Variants in CACNA1B observed in about 807,000 individuals in gnomAD.
The protein encoded by CACNA1B is calcium voltage-gated channel subunit alpha1 B, also known as voltage-dependent N-type calcium channel subunit alpha-1B.
Under a neutral mutation model 247.2 loss-of-function variants are expected in CACNA1B, and 70 were observed. That is an observed-to-expected ratio of 0.28 (90% CI 0.23 to 0.35). The LOEUF is 0.35. CACNA1B is among the 10% of genes least tolerant of loss of function. The pLI, the probability that CACNA1B is intolerant of heterozygous loss-of-function variation, is 1.00. For missense variants in CACNA1B, 2,367 were observed against 3,197.4 expected, an observed-to-expected ratio of 0.74 and a Z score of 6.26; for synonymous variants, 1,231 against 1,294.4, an observed-to-expected ratio of 0.95 and a Z score of 1.05.
In CACNA1B at chr9:138,112,437, A is replaced by G. The variant is rs200220577; in HGVS notation, c.5468A>G (p.Lys1823Arg). 18 of 1,613,438 alleles carry G rather than the reference A, an allele frequency of 1.1e-5. No homozygotes were observed. The highest frequency in any genetic ancestry group is 1.4e-5 in the Non-Finnish European group (17 of 1,179,364). The change falls in exon 40 of 47, where the codon AAG becomes AGG. Residue 1823 changes from lysine (K) to arginine (R), a missense_variant. Physicochemically the swap from Lys to Arg is conservative, Grantham distance 26. Coordinates refer to ENST00000371372, the MANE Select transcript of CACNA1B (RefSeq NM_000718.4). Reference protein sequence around the residue: ...KQHQCDAELRKEISVVWANLP... With the variant: ...KQHQCDAELRREISVVWANLP... ...CATCAGTGTGACGCGGAGTTGAGGA[A>G]GGAGATTTCCGTTGTGTGGGCCAAT...
chr9:138,078,314 AGG>A, intron 36 of CACNA1B, 56 bp downstream of exon 36: 2 of 1,557,628 alleles, frequency 1.3e-6, no homozygotes, highest in Non-Finnish European at 1.8e-6. Flanking sequence ...GGTACAGCTC[AGG>A]CTTCTCCCAC....
chr9:138,073,615 C>CG lies in CACNA1B; in HGVS notation c.4791+17dup. Reference sequence around the variant, plus strand: ...GTCCAGTCCTTCAAGGTGGGCCAGGCGGGGGGCCTCCATGCTTTCTGTCCC... The same window carrying CG: ...GTCCAGTCCTTCAAGGTGGGCCAGGCGGGGGGGCCTCCATGCTTTCTGTCCC... On this transcript the variant is annotated intron_variant, in intron 33 of 46. Transcript: ENST00000371372. The surrounding 1 kb of genome is among the most constrained non-coding windows in gnomAD (Gnocchi z 6.4). 3 of 1,440,198 alleles carry CG rather than the reference C, an allele frequency of 2.1e-6. No homozygotes were observed. The highest frequency in any genetic ancestry group is 2.9e-6 in the Non-Finnish European group (3 of 1,021,502). The allele number at this position is 1,440,198 out of a possible 1,614,324, so 89.2% of individuals were successfully genotyped here.
Position 138,050,890 on chromosome 9 carries a change from G to A in CACNA1B, c.3711-1202G>A, listed in dbSNP as rs1415739855. On this transcript the variant is annotated intron_variant, in intron 24 of 46. Coordinates refer to ENST00000371372, the MANE Select transcript of CACNA1B (RefSeq NM_000718.4). The surrounding 1 kb of genome is among the most constrained non-coding windows in gnomAD (Gnocchi z 5.2). Reference sequence around the variant, plus strand: ...ATCTGATTCTGGAGTGTAGCCTACAGTCAGGGGAGAAGAAGGGGACCAGGG... The same window carrying A: ...ATCTGATTCTGGAGTGTAGCCTACAATCAGGGGAGAAGAAGGGGACCAGGG... Among the ~76,000 whole-genome samples the A allele has an allele frequency of 1.3e-5, 2 of 152,180 alleles. No individual in the cohort carries two copies. Among genetic ancestry groups the A allele is most frequent in the African/African-American group, 2.4e-5 (1 of 41,438 alleles).
chr9:137,923,918 T>C (rs953855441), intron 6 of CACNA1B, among the ~76,000 whole-genome samples: 5 of 152,246 alleles, frequency 3.3e-5, no homozygotes, highest in Admixed American at 6.5e-5. Context: ...TCTGGACTTA[T>C]TTGCCATCTG....
At chr9:138,088,906 C>T (rs1357205149) in intron 36 of CACNA1B, among the ~76,000 whole-genome samples, 2 of 127,086 alleles carry the variant, frequency 1.6e-5, no homozygotes, top group Non-Finnish European at 1.6e-5. Context: ...TTGTAGTGAC[C>T]GGAGATCGCG....
intron 32 of CACNA1B, 105 bp downstream of exon 32, chr9:138,069,868 G>A (rs1451212082): frequency 1.3e-5 from 13 of 1,012,880 alleles, no homozygotes; most frequent in Non-Finnish European, 1.9e-5. Flanking sequence ...CCCTCTAGGC[G>A]TGTGGTTGGA....
intron 6 of CACNA1B, among the ~76,000 whole-genome samples, chr9:137,942,336 A>G (rs1189203131): frequency 6.6e-6 from 1 of 152,236 alleles, no homozygotes; most frequent in African/African-American, 2.4e-5. Context: ...AGATATTGGC[A>G]TGGATGCGGT....
chr9:138,104,472 C>G (rs537192604), intron 38 of CACNA1B, among the ~76,000 whole-genome samples: 1 of 152,218 alleles, frequency 6.6e-6, no homozygotes, highest in Admixed American at 6.5e-5. Context: ...TCCGGGAAGC[C>G]GTTTACTCCT....
intron 10 of CACNA1B, among the ~76,000 whole-genome samples, chr9:137,967,810 G>A (rs1263179898): frequency 5.3e-5 from 8 of 152,152 alleles, no homozygotes; most frequent in African/African-American, 1.4e-4. Flanking sequence ...CCCCTCTGGC[G>A]CGGAGTGCTT....
intron 6 of CACNA1B, among the ~76,000 whole-genome samples, chr9:137,923,133 T>C (rs1450824765): frequency 6.6e-6 from 1 of 152,222 alleles, no homozygotes; most frequent in East Asian, 1.9e-4. Flanking sequence ...CCAGGTAGTA[T>C]TGAGTGGTGC....
At chr9:137,982,702 C>T (rs1348008374) in intron 12 of CACNA1B, among the ~76,000 whole-genome samples, 3 of 152,200 alleles carry the variant, frequency 2.0e-5, no homozygotes, top group Admixed American at 1.3e-4. Flanking sequence ...CCTAGGCAAA[C>T]ATCTGGATGA....
At chr9:138,002,229 T>C (rs1419119150) in intron 15 of CACNA1B, among the ~76,000 whole-genome samples, 1 of 152,068 alleles carries the variant, frequency 6.6e-6, no homozygotes, top group Non-Finnish European at 1.5e-5. Context: ...AGAAAGTTGG[T>C]TATATGAGAA....
rs1957954298 is a variant in CACNA1B at position 137,956,780 on chromosome 9, T to G, written c.1196T>G (p.Met399Arg). The change falls in exon 9 of 47, where the codon ATG becomes AGG. Residue 399 changes from methionine to arginine, a missense_variant. Transcript: ENST00000371372. ...LEWIFKAEEVMLAEEDRNAEE... is the reference protein window; with the variant it reads ...LEWIFKAEEVRLAEEDRNAEE... ...TGTGTTCCCCTCGCAGAGGAAGTCA[T>G]GCTGGCCGAGGAGGACAGGAATGCA... 6.2e-7 allele frequency: 1 copy of G among 1,613,448 alleles called. No individual in the cohort carries two copies. The highest frequency in any genetic ancestry group is 1.1e-5 in the South Asian group (1 of 91,076).
chr9:138,053,142 G>C (rs1959355249), intron 25 of CACNA1B, among the ~76,000 whole-genome samples: 1 of 152,224 alleles, frequency 6.6e-6, no homozygotes, highest in South Asian at 2.1e-4. Context: ...TTGCTTCCCT[G>C]ATGGGCAGGG....
chr9:138,006,826 C>T lies in CACNA1B; in HGVS notation c.2034C>T (p.Gly678=), dbSNP rs765422350. 4.5e-5 allele frequency: 73 copies of T among 1,611,076 alleles called. No individual in the cohort carries two copies. In the East Asian group the frequency reaches 1.0e-3, roughly 22 times the overall value. The change falls in exon 16 of 47, where the codon GGC becomes GGT. Residue 678 remains glycine (G), a synonymous_variant. Coordinates refer to ENST00000371372, the MANE Select transcript of CACNA1B (RefSeq NM_000718.4). ...VMYHGIESQG[G]VSKGMFSSFY... ...ATCACGGGATCGAATCGCAAGGCGGCGTCAGCAAAGGCATGTTCTCGTCCT... is the reference window on the plus strand; with the variant it reads ...ATCACGGGATCGAATCGCAAGGCGGTGTCAGCAAAGGCATGTTCTCGTCCT...
intron 36 of CACNA1B, among the ~76,000 whole-genome samples, chr9:138,089,738 A>G (rs1297367427): frequency 2.0e-5 from 3 of 152,222 alleles, no homozygotes; most frequent in African/African-American, 4.8e-5. Context: ...TTATATATAG[A>G]AAACCCTAAA....
chr9:137,908,308 G>A (rs1251173232), intron 3 of CACNA1B, among the ~76,000 whole-genome samples: 1 of 152,110 alleles, frequency 6.6e-6, no homozygotes, highest in Non-Finnish European at 1.5e-5. Context: ...CTGAGGTCAG[G>A]AGTTCGAGAC....
At chr9:137,928,730 T>A (rs1268581930) in intron 6 of CACNA1B, among the ~76,000 whole-genome samples, 1 of 152,208 alleles carries the variant, frequency 6.6e-6, no homozygotes, top group Non-Finnish European at 1.5e-5. Flanking sequence ...TTATCTAATT[T>A]TAAGCATTTT....
chr9:137,879,040 C>T lies in CACNA1B; in HGVS notation c.285-14C>T, dbSNP rs766475455. 3.8e-6 allele frequency: 6 copies of T among 1,586,496 alleles called. No individual in the cohort carries two copies. In the East Asian group the frequency reaches 6.7e-5, roughly 18 times the overall value. On this transcript the variant is annotated splice_polypyrimidine_tract_variant and intron_variant, in intron 1 of 46. Transcript: ENST00000371372. ...TCCGTGCGGCGTCTGCCGGCCAGTC[C>T]TTAACTCACGCACTCCATTCGAGTA...
Sources: gnomAD v4.1 joint callset for allele counts (sites outside exome capture counted in the v4.1 genomes callset) on GRCh38, gnomAD v4.1.1 for gene constraint, Gnocchi (gnomAD v3.1) non-coding constraint, MANE v1.5 for transcripts, NCBI Gene and HGNC (gene_info 2026-07-23, HGNC 2026-07-21) for gene names.